The following SLC6A3 variants were observed in gnomAD, a reference collection of about 807,000 sequenced individuals.
SLC6A3 encodes the protein solute carrier family 6 member 3.
A neutral mutation model predicts 70.4 loss-of-function variants in SLC6A3; 19 were observed. The observed-to-expected ratio is 0.27, with a 90% CI of 0.19 to 0.40. SLC6A3 has a LOEUF of 0.40. Ranked by LOEUF, SLC6A3 falls within the 10% of genes least tolerant of loss-of-function variation. The pLI is 1.00. For synonymous variants in SLC6A3, 368 were observed against 356.6 expected (o/e 1.03, Z -0.36); for missense variants, 613 against 838.5 (o/e 0.73, Z 3.32).
At chr5:1,417,963 GT>G (rs1390572055) in intron 6 of SLC6A3, among the ~76,000 whole-genome samples, 1 of 152,252 alleles carries the variant, frequency 6.6e-6, no homozygotes, top group Non-Finnish European at 1.5e-5. Context: ...TGGGCAGCAT[GT>G]CAGAGCCTCA....
intron 11 of SLC6A3, among the ~76,000 whole-genome samples, chr5:1,407,264 A>G (rs10072058): frequency 0.064 from 9,740 of 152,164 alleles, 999 homozygotes; most frequent in African/African-American, 0.22. Flanking sequence ...CCCGTGTCCC[A>G]TCAGAAAGAA....
At chr5:1,399,314 T>C (rs1755791255) in intron 14 of SLC6A3, among the ~76,000 whole-genome samples, 1 of 152,182 alleles carries the variant, frequency 6.6e-6, no homozygotes, top group East Asian at 1.9e-4. Flanking sequence ...AAATACGGAA[T>C]GTAGCACATG....
At chr5:1,426,833 T>C (rs1051530036) in intron 4 of SLC6A3, among the ~76,000 whole-genome samples, 5 of 152,142 alleles carry the variant, frequency 3.3e-5, no homozygotes, top group African/African-American at 1.2e-4. Flanking sequence ...ATTTCAGCTT[T>C]GGAGGAGGAG....
Position 1,403,098 on chromosome 5 carries a change from A to G in SLC6A3, c.1600-9T>C, listed in dbSNP as rs1287842616. The G allele has an allele frequency of 1.9e-6, 3 of 1,612,988 alleles. No homozygotes were observed. The highest frequency in any genetic ancestry group is 2.5e-6 in the Non-Finnish European group (3 of 1,179,852). On this transcript the variant is annotated splice_polypyrimidine_tract_variant and intron_variant, in intron 12 of 14. Coordinates refer to ENST00000270349, the MANE Select transcript of SLC6A3 (RefSeq NM_001044.5). ...CTGACCACGACCACGAACTGCAACC[A>G]GCAGATACGGAGGTCAGGCAGCTCT...
rs754667795 is a variant in SLC6A3 at position 1,402,904 on chromosome 5, C to A, written c.1767+18G>T. The A allele has an allele frequency of 1.2e-6, 2 of 1,611,978 alleles. No homozygotes were observed. Among genetic ancestry groups the A allele is most frequent in the South Asian group, 2.2e-5 (2 of 90,950 alleles). On this transcript the variant is annotated intron_variant, in intron 13 of 14. Coordinates refer to ENST00000270349, the MANE Select transcript of SLC6A3 (RefSeq NM_001044.5). The surrounding 1 kb of genome is among the most constrained non-coding windows in gnomAD (Gnocchi z 8.5). ...GTGGCCTCACACTCGGGTGAAGGCG[C>A]CCCGTCCAAATACCCACCTCTCGAA...
rs1170024066 is a variant in SLC6A3 at position 1,394,575 on chromosome 5, ACAGT to A, written c.*156_*159del. On this transcript the variant is annotated 3_prime_UTR_variant, in exon 15 of 15. Transcript: ENST00000270349. The surrounding 1 kb of genome is among the most constrained non-coding windows in gnomAD (Gnocchi z 4.7). ...GCGCTCCCGGCACGGAAAGGTGTAAACAGTCAGAAGAGAGGAGTCTTCTGCTTTG... is the reference window on the plus strand; with the variant it reads ...GCGCTCCCGGCACGGAAAGGTGTAAACAGAAGAGAGGAGTCTTCTGCTTTG... The A allele has an allele frequency of 7.7e-6, 6 of 780,686 alleles. No homozygotes were observed. Among genetic ancestry groups the A allele is most frequent in the South Asian group, 2.8e-5 (2 of 71,610 alleles). 48.4% of individuals were successfully genotyped at this position (780,686 alleles called of 1,614,324 possible).
intron 4 of SLC6A3, among the ~76,000 whole-genome samples, chr5:1,423,281 CGGTGCTGGGT>C (rs1560919297): frequency 0.029 from 1,882 of 65,260 alleles, 234 homozygotes; most frequent in South Asian, 0.041. Context: ...GTGCTGCCCA[CGGTGCTGGGT>C]ACCCACCGCT....
At position 1,427,910 on chromosome 5, in the gene SLC6A3, G is replaced by A. The variant is rs2126384654; in HGVS notation, c.653+4554C>T. The stretch of plus-strand genomic sequence containing the variant: ...ATCTACAGTTACAGTTGAGATTTCA[G>A]TACCCCTTTCTCAGTAACTGATAGA... On this transcript the variant is annotated intron_variant, in intron 4 of 14. Coordinates refer to ENST00000270349, the MANE Select transcript of SLC6A3 (RefSeq NM_001044.5). 1.3e-5 allele frequency among the ~76,000 whole-genome samples: 2 copies of A among 152,304 alleles called. 1 individual carries two copies. Among genetic ancestry groups the A allele is most frequent in the South Asian group, 4.1e-4 (2 of 4,830 alleles).
Position 1,408,138 on chromosome 5 carries a change from T to C in SLC6A3, c.1498+888A>G, listed in dbSNP as rs1756028405. 6.6e-6 allele frequency among the ~76,000 whole-genome samples: 1 copy of C among 151,818 alleles called. No individual in the cohort carries two copies. Among genetic ancestry groups the C allele is most frequent in the African/African-American group, 2.4e-5 (1 of 41,294 alleles). ...TTCCATCGTAAGTATACCATCAGTG[T>C]CTTCAGAAAATCTACAGCCTCCTGA... is the stretch of plus-strand genomic sequence containing the variant. On this transcript the variant is annotated intron_variant, in intron 11 of 14. Transcript: ENST00000270349. The surrounding 1 kb of genome is among the most constrained non-coding windows in gnomAD (Gnocchi z 6.4).
Position 1,443,023 on chromosome 5 carries a change from C to G in SLC6A3, c.175G>C (p.Asp59His), listed in dbSNP as rs1469449884. 1 of 1,614,250 alleles carries G rather than the reference C, an allele frequency of 6.2e-7. No individual in the cohort carries two copies. Among genetic ancestry groups the G allele is most frequent in the Admixed American group, 1.7e-5 (1 of 60,026 alleles). Residue 59 changes from aspartate to histidine, a missense_variant, in exon 2 of 15, where the codon GAT (aspartate) becomes CAT (histidine). Asp to His is a moderately conservative substitution (Grantham distance 81, BLOSUM62 -1). Transcript: ENST00000270349. ...NPRQSPVEAQ[D>H]RETWGKKIDF... ...ATCTTCTTGCCCCAGGTCTCCCGAT[C>G]CTGGGCCTCCACGGGGCTCTGCCGC...
intron 3 of SLC6A3, among the ~76,000 whole-genome samples, chr5:1,435,492 C>G (rs1238334234): frequency 2.0e-5 from 3 of 152,256 alleles, no homozygotes; most frequent in African/African-American, 7.2e-5. Flanking sequence ...GCTTTTGTTT[C>G]CTGCCCTGCA....
At chr5:1,400,357 C>T (rs749981237) in intron 14 of SLC6A3, among the ~76,000 whole-genome samples, 4 of 152,178 alleles carry the variant, frequency 2.6e-5, no homozygotes, top group Non-Finnish European at 5.9e-5. Context: ...TGTGTGCCCC[C>T]GGGAATGCAC....
intron 10 of SLC6A3, among the ~76,000 whole-genome samples, chr5:1,409,484 G>A (rs1384016458): frequency 6.6e-6 from 1 of 152,146 alleles, no homozygotes; most frequent in African/African-American, 2.4e-5. Context: ...GAAGGAGGCA[G>A]CTTCAGCCTG....
rs574853765 is a variant in SLC6A3 at position 1,409,345 on chromosome 5, T to C, written c.1399-220A>G. On this transcript the variant is annotated intron_variant, in intron 10 of 14. Coordinates refer to ENST00000270349, the MANE Select transcript of SLC6A3 (RefSeq NM_001044.5). ...CCCTTCCTAGGGCTTCATGTGCAATTAGAAATGGAAGCAACCGAATGCGGA... is the reference window on the plus strand; with the variant it reads ...CCCTTCCTAGGGCTTCATGTGCAATCAGAAATGGAAGCAACCGAATGCGGA... 2.0e-5 allele frequency among the ~76,000 whole-genome samples: 3 copies of C among 152,230 alleles called. No homozygotes were observed. The East Asian group carries it at 5.8e-4, about 29-fold the overall frequency.
intron 6 of SLC6A3, 119 bp from the exon 7 acceptor site, chr5:1,416,320 C>G (rs1756290446): frequency 1.3e-6 from 1 of 741,526 alleles, no homozygotes; most frequent in Non-Finnish European, 2.4e-6. Context: ...ACACCATCCT[C>G]AAGAAGTAAA....
chr5:1,419,666 G>A (rs1453486037), intron 6 of SLC6A3, among the ~76,000 whole-genome samples: 2 of 152,200 alleles, frequency 1.3e-5, no homozygotes, highest in African/African-American at 4.8e-5. Flanking sequence ...CCCGGCCACA[G>A]CTGATTTTGC....
At chr5:1,439,908 G>A (rs543865555) in intron 3 of SLC6A3, among the ~76,000 whole-genome samples, 52 of 152,346 alleles carry the variant, frequency 3.4e-4, no homozygotes, top group Middle Eastern at 3.4e-3. Flanking sequence ...CAGGGGGAAC[G>A]ACCCCGGCCC....
chr5:1,394,539 C>T lies in SLC6A3; in HGVS notation c.*196G>A. 4.4e-6 allele frequency: 3 copies of T among 686,724 alleles called. No homozygotes were observed. The highest frequency in any genetic ancestry group is 8.0e-6 in the Non-Finnish European group (3 of 376,528). 42.5% of individuals were successfully genotyped at this position (686,724 alleles called of 1,614,324 possible). On this transcript the variant is annotated 3_prime_UTR_variant, in exon 15 of 15. Transcript: ENST00000270349. The surrounding 1 kb of genome is among the most constrained non-coding windows in gnomAD (Gnocchi z 4.7). ...ACGTCGTTATTACAGCAACACAAGACACGGCGAGGTGCGCTCCCGGCACGG... is the reference window on the plus strand; with the variant it reads ...ACGTCGTTATTACAGCAACACAAGATACGGCGAGGTGCGCTCCCGGCACGG...
chr5:1,428,944 G>A (rs1008226752), intron 4 of SLC6A3, among the ~76,000 whole-genome samples: 8 of 152,124 alleles, frequency 5.3e-5, no homozygotes, highest in African/African-American at 9.7e-5. Context: ...GTCATGTTTC[G>A]TACATTGTGT....
Sources: gnomAD v4.1 joint callset for allele counts (sites outside exome capture counted in the v4.1 genomes callset) on GRCh38, gnomAD v4.1.1 for gene constraint, Gnocchi (gnomAD v3.1) non-coding constraint, MANE v1.5 for transcripts, NCBI Gene and HGNC (gene_info 2026-07-23, HGNC 2026-07-21) for gene names.